The following KLF12 variants were observed in gnomAD, a reference collection of about 807,000 sequenced individuals.
The protein encoded by KLF12 is KLF transcription factor 12, also known as Krueppel-like factor 12.
In KLF12, 9 loss-of-function variants were observed where a neutral mutation model predicts 37.8. The observed-to-expected ratio is 0.24, with a 90% CI of 0.14 to 0.42. The LOEUF (loss-of-function observed/expected upper bound fraction) is 0.42, where lower values mean the gene tolerates loss of function less well. Ranked by LOEUF, KLF12 falls within the 10% of genes least tolerant of loss-of-function variation. The pLI is 1.00. For missense variants in KLF12, 411 were observed against 516.0 expected (o/e 0.80, Z 1.97); for synonymous variants, 208 against 202.1 (o/e 1.03, Z -0.25).
the KLF12 span, among the ~76,000 whole-genome samples, chr13:74,152,543 A>G: frequency 1.3e-5 from 2 of 152,194 alleles, no homozygotes; most frequent in Non-Finnish European, 2.9e-5. Flanking sequence ...GCTTTTAAAT[A>G]GAGGGCTCTT....
intron 2 of KLF12, among the ~76,000 whole-genome samples, chr13:73,968,043 G>A (rs1293840208): frequency 6.6e-6 from 1 of 152,126 alleles, no homozygotes; most frequent in Non-Finnish European, 1.5e-5. Context: ...GAAACAGAAA[G>A]AACACTGAAC....
At chr13:74,255,877 C>T in the KLF12 span, among the ~76,000 whole-genome samples, 13 of 152,152 alleles carry the variant, frequency 8.5e-5, no homozygotes, top group African/African-American at 2.4e-4. Context: ...GGAATGAGGC[C>T]GGGCACGGTG....
At chr13:74,014,634 T>C (rs541020678) in intron 1 of KLF12, among the ~76,000 whole-genome samples, 3 of 152,342 alleles carry the variant, frequency 2.0e-5, no homozygotes, top group East Asian at 1.9e-4. Flanking sequence ...TCCAGTAGCA[T>C]TGACCGCAAT....
chr13:73,905,250 T>C (rs1007355788), intron 3 of KLF12, among the ~76,000 whole-genome samples: 1 of 152,194 alleles, frequency 6.6e-6, no homozygotes, highest in Non-Finnish European at 1.5e-5. Flanking sequence ...TTCTCTGTTA[T>C]TCAGTCACCT....
chr13:73,789,708 G>A (rs578197305), intron 5 of KLF12, among the ~76,000 whole-genome samples: 3 of 145,538 alleles, frequency 2.1e-5, no homozygotes, highest in East Asian at 2.0e-4. Context: ...ACAGAGTCTC[G>A]CTCTGTCGCC....
At chr13:73,714,839 T>G (rs890886085) in intron 7 of KLF12, among the ~76,000 whole-genome samples, 23 of 152,132 alleles carry the variant, frequency 1.5e-4, no homozygotes, top group African/African-American at 5.1e-4. Flanking sequence ...CTGTCAATAC[T>G]AAAACTCCTC....
intron 6 of KLF12, among the ~76,000 whole-genome samples, chr13:73,742,582 G>A (rs963943425): frequency 2.6e-5 from 4 of 151,780 alleles, no homozygotes; most frequent in South Asian, 2.1e-4. Flanking sequence ...TTCCCCTTCC[G>A]CCCTGGCCCC....
intron 3 of KLF12, among the ~76,000 whole-genome samples, chr13:73,923,825 G>A (rs1186727153): frequency 6.6e-6 from 1 of 152,168 alleles, no homozygotes; most frequent in Non-Finnish European, 1.5e-5. Context: ...ATAGTCTGCA[G>A]ACTACACTTT....
chr13:73,717,390 A>G (rs1022051593), intron 6 of KLF12, among the ~76,000 whole-genome samples: 1 of 152,244 alleles, frequency 6.6e-6, no homozygotes, highest in Non-Finnish European at 1.5e-5. Context: ...TAGATGAAAC[A>G]TGGCAGGAGT....
intron 1 of KLF12, among the ~76,000 whole-genome samples, chr13:74,020,155 C>A (rs946239905): frequency 2.0e-5 from 3 of 152,162 alleles, no homozygotes; most frequent in African/African-American, 7.2e-5. Context: ...CTTCAAAAAG[C>A]AATTTCAGAA....
At chr13:74,094,944 A>C (rs377398829) in intron 1 of KLF12, among the ~76,000 whole-genome samples, 1 of 152,184 alleles carries the variant, frequency 6.6e-6, no homozygotes, top group African/African-American at 2.4e-5. Flanking sequence ...TTGAAACTAC[A>C]TATTTCCAGT....
chr13:74,215,376 A>AT, the KLF12 span, among the ~76,000 whole-genome samples: 1 of 123,650 alleles, frequency 8.1e-6, no homozygotes, highest in Non-Finnish European at 1.7e-5. Flanking sequence ...CATATTTAGG[A>AT]TTTTTTTAAC....
intron 1 of KLF12, among the ~76,000 whole-genome samples, chr13:73,997,626 C>T (rs1374318184): frequency 6.6e-6 from 1 of 152,126 alleles, no homozygotes; most frequent in Non-Finnish European, 1.5e-5. Context: ...CAGTTAATAG[C>T]TCATCAATTT....
chr13:73,817,983 C>T (rs1308302543), intron 4 of KLF12, among the ~76,000 whole-genome samples: 1 of 152,232 alleles, frequency 6.6e-6, no homozygotes, highest in Non-Finnish European at 1.5e-5. Context: ...ATAAAAGCTA[C>T]CTACTGCATT....
chr13:74,289,956 A>G, the KLF12 span, among the ~76,000 whole-genome samples: 2 of 152,150 alleles, frequency 1.3e-5, no homozygotes, highest in Non-Finnish European at 2.9e-5. Flanking sequence ...TGTATCCTTG[A>G]TGTAGCTGGA....
chr13:73,866,663 T>C (rs1177935765), intron 3 of KLF12, among the ~76,000 whole-genome samples: 1 of 152,044 alleles, frequency 6.6e-6, no homozygotes, highest in Non-Finnish European at 1.5e-5. Flanking sequence ...AACAGAGCAT[T>C]CATGGCTAAC....
At chr13:74,121,338 CA>C (rs1566222251) in intron 1 of KLF12, among the ~76,000 whole-genome samples, 1 of 151,772 alleles carries the variant, frequency 6.6e-6, no homozygotes, top group East Asian at 1.9e-4. Context: ...CAAAGTATTC[CA>C]AAAAATAGAA....
chr13:74,132,735 A>G (rs1433062269), intron 1 of KLF12, among the ~76,000 whole-genome samples: 2 of 152,242 alleles, frequency 1.3e-5, no homozygotes, highest in South Asian at 2.1e-4. Context: ...GCTGCAGGGC[A>G]TATAACAAAG....
chr13:73,797,684 C>G (rs966337175), intron 5 of KLF12, among the ~76,000 whole-genome samples: 1 of 150,424 alleles, frequency 6.6e-6, no homozygotes, highest in African/African-American at 2.5e-5. Context: ...GCAGGATGAT[C>G]CCTTGAGCCC....
Sources: allele counts gnomAD v4.1 joint callset (sites outside exome capture counted in the v4.1 genomes callset), GRCh38; gene constraint gnomAD v4.1.1; transcripts MANE v1.5; gene names NCBI Gene and HGNC (gene_info 2026-07-23, HGNC 2026-07-21).